Variants in SEMA3D observed in about 807,000 individuals in gnomAD.
SEMA3D encodes semaphorin-3D.
In SEMA3D, 84 loss-of-function variants were observed where a neutral mutation model predicts 100.1. The observed-to-expected ratio is 0.84, with a 90% confidence interval of 0.70 to 1.01. The LOEUF is 1.01. Among genes scored for constraint, SEMA3D ranks in the 50% least tolerant of loss-of-function variants. SEMA3D has a pLI of 0.00. For synonymous variants in SEMA3D, 312 were observed against 320.7 expected (o/e 0.97, Z 0.29); for missense variants, 875 against 934.1 (o/e 0.94, Z 0.82).
intron 4 of SEMA3D, among the ~76,000 whole-genome samples, chr7:85,085,585 C>A (rs1788191279): frequency 6.6e-6 from 1 of 152,076 alleles, no homozygotes; most frequent in African/African-American, 2.4e-5. Flanking sequence ...TCAGCCAAGG[C>A]ATCAAATTGA....
chr7:85,035,382 T>A (rs1355723295), intron 12 of SEMA3D, among the ~76,000 whole-genome samples: 1 of 151,892 alleles, frequency 6.6e-6, no homozygotes, highest in East Asian at 1.9e-4. Flanking sequence ...ATATATAAAA[T>A]GGGACTGCAT....
chr7:85,009,393 G>T (rs544335200), intron 17 of SEMA3D, among the ~76,000 whole-genome samples: 2 of 151,696 alleles, frequency 1.3e-5, no homozygotes, highest in South Asian at 4.2e-4. Context: ...AAGAAGAAAA[G>T]AAACATCTTT....
chr7:85,196,876 T>C, the SEMA3D span, among the ~76,000 whole-genome samples: 1 of 152,172 alleles, frequency 6.6e-6, no homozygotes, highest in South Asian at 2.1e-4. Flanking sequence ...AATTCTCATG[T>C]ACTGTGGGTG....
the SEMA3D span, among the ~76,000 whole-genome samples, chr7:85,192,920 T>G: frequency 1.3e-5 from 2 of 152,158 alleles, no homozygotes; most frequent in African/African-American, 2.4e-5. Flanking sequence ...GATAACCCAT[T>G]TATTTTTAAA....
chr7:85,247,995 C>T, the SEMA3D span, among the ~76,000 whole-genome samples: 3 of 151,670 alleles, frequency 2.0e-5, no homozygotes, highest in African/African-American at 7.3e-5. Context: ...ACATAGATAC[C>T]ATGCAAAAGG....
At chr7:85,190,601 G>A (rs527551460), upstream of SEMA3D, among the ~76,000 whole-genome samples, 14 of 151,868 alleles carry the variant, frequency 9.2e-5, no homozygotes, top group Non-Finnish European at 1.9e-4. Context: ...TGGATCATTA[G>A]ATATTTACAT....
intron 1 of SEMA3D, chr7:85,167,500 G>T: frequency 2.3e-6 from 1 of 440,630 alleles, no homozygotes; most frequent in Non-Finnish European, 3.0e-6. Flanking sequence ...ATGTGACTTT[G>T]CCCATAAAAT....
intron 4 of SEMA3D, among the ~76,000 whole-genome samples, chr7:85,094,918 G>A: frequency 6.6e-6 from 1 of 151,730 alleles, no homozygotes; most frequent in South Asian, 2.1e-4. Context: ...TATAGAAATA[G>A]TCCTTCCTCT....
chr7:85,083,088 T>G (rs536068462), intron 4 of SEMA3D, among the ~76,000 whole-genome samples: 1 of 152,240 alleles, frequency 6.6e-6, no homozygotes, highest in Non-Finnish European at 1.5e-5. Context: ...AAAGAATATC[T>G]CCTCAAATTG....
chr7:85,210,455 A>G, the SEMA3D span, among the ~76,000 whole-genome samples: 1 of 152,066 alleles, frequency 6.6e-6, no homozygotes, highest in African/African-American at 2.4e-5. Context: ...GTGCATAAAC[A>G]TTTTAGGATT....
At chr7:85,122,492 G>A (rs1198108849) in intron 2 of SEMA3D, among the ~76,000 whole-genome samples, 1 of 151,976 alleles carries the variant, frequency 6.6e-6, no homozygotes, top group Admixed American at 6.6e-5. Flanking sequence ...TTTTGTTTAA[G>A]CAAATATCTG....
At chr7:85,093,726 C>T (rs1232424601) in intron 4 of SEMA3D, among the ~76,000 whole-genome samples, 1 of 151,876 alleles carries the variant, frequency 6.6e-6, no homozygotes, top group Admixed American at 6.6e-5. Flanking sequence ...TTTAAAGAAA[C>T]ACACTACTTA....
intron 2 of SEMA3D, chr7:85,140,471 T>C (rs1334679088): frequency 4.1e-6 from 4 of 981,580 alleles, no homozygotes; most frequent in Non-Finnish European, 4.8e-6. Flanking sequence ...TGTTCTGATA[T>C]GTACAGGATC....
In SEMA3D at chr7:85,018,309, A is replaced by G; in HGVS notation, c.1504-16T>C. The G allele has an allele frequency of 6.6e-7, 1 of 1,523,522 alleles. No homozygotes were observed. Among genetic ancestry groups the G allele is most frequent in the Non-Finnish European group, 9.1e-7 (1 of 1,099,622 alleles). 94.4% of individuals were successfully genotyped at this position (1,523,522 alleles called of 1,614,324 possible). A position where few individuals can be genotyped will look rare whatever the true frequency, so the allele number is the denominator to read the frequency against. On this transcript the variant is annotated splice_polypyrimidine_tract_variant and intron_variant, in intron 14 of 18. Transcript: ENST00000284136. ...TTGATGAGTGCTGAAAATAGAAGTT[A>G]AATGTCAATAAAGATAATCATTAAC...
intron 2 of SEMA3D, among the ~76,000 whole-genome samples, chr7:85,125,683 A>C (rs1210744897): frequency 6.6e-6 from 1 of 152,016 alleles, no homozygotes; most frequent in African/African-American, 2.4e-5. Context: ...CTTCCCAACA[A>C]TCCTATAAAT....
At chr7:85,160,383 G>A (rs1202248830) in intron 1 of SEMA3D, among the ~76,000 whole-genome samples, 2 of 152,022 alleles carry the variant, frequency 1.3e-5, no homozygotes, top group African/African-American at 4.8e-5. Context: ...TAAGATCTGA[G>A]TCAGGCAGAA....
chr7:85,134,114 T>C (rs923512328), intron 2 of SEMA3D, among the ~76,000 whole-genome samples: 3 of 152,026 alleles, frequency 2.0e-5, no homozygotes, highest in African/African-American at 7.2e-5. Context: ...TCCTCCGAAC[T>C]TCTAATTCAT....
At position 85,081,650 on chromosome 7, in the gene SEMA3D, G is replaced by A; in HGVS notation, c.313-71C>T. ...CCCTAACACTCTGCAATTCTGCTCA[G>A]AGAGTGAATGTGTGAAATTGAAGAA... On this transcript the variant is annotated intron_variant, in intron 4 of 18. Coordinates refer to ENST00000284136, the MANE Select transcript of SEMA3D (RefSeq NM_001384900.1). The A allele has an allele frequency of 3.1e-6, 3 of 970,664 alleles. No individual in the cohort carries two copies. In the South Asian group the frequency reaches 4.0e-5, roughly 13 times the overall value. 60.1% of individuals were successfully genotyped at this position (970,664 alleles called of 1,614,324 possible). A position where few individuals can be genotyped will look rare whatever the true frequency, so the allele number is the denominator to read the frequency against.
Position 85,081,522 on chromosome 7 carries a change from C to A in SEMA3D, c.370G>T (p.Ala124Ser). ...VELCKLAGKD[A>S]NTECANFIRV... is the part of the protein sequence containing the mutation. ...TGTTACAGTTTCATACTTACATTGG[C>A]ATCTTTCCCAGCTAATTTACATAAT... The change falls in exon 5 of 19, where the codon GCC becomes TCC. Residue 124 changes from alanine to serine, a missense_variant. Coordinates refer to ENST00000284136, the MANE Select transcript of SEMA3D (RefSeq NM_001384900.1). 6.2e-7 allele frequency: 1 copy of A among 1,604,022 alleles called. No homozygotes were observed. The highest frequency in any genetic ancestry group is 8.5e-7 in the Non-Finnish European group (1 of 1,171,088).
Sources: gnomAD v4.1 joint callset for allele counts (sites outside exome capture counted in the v4.1 genomes callset) on GRCh38, gnomAD v4.1.1 for gene constraint, MANE v1.5 for transcripts, NCBI Gene and HGNC (gene_info 2026-07-23, HGNC 2026-07-21) for gene names.